TAF2: variants seen among roughly 807,000 people sequenced by gnomAD.
The protein encoded by TAF2 is transcription initiation factor TFIID subunit 2.
In TAF2, 61 loss-of-function variants were observed where a neutral mutation model predicts 138.5. That is an observed-to-expected ratio of 0.44 (90% CI 0.36 to 0.54). TAF2 has a LOEUF of 0.54. Ranked by LOEUF, TAF2 falls within the 20% of genes least tolerant of loss-of-function variation. TAF2 has a pLI of 0.00. For missense variants in TAF2, 1,090 were observed against 1,427.9 expected, an observed-to-expected ratio of 0.76 and a Z score of 3.81; for synonymous variants, 475 against 469.9, an observed-to-expected ratio of 1.01 and a Z score of -0.14.
rs1458576050 is a variant in TAF2, at chr8:119,831,315, A to C, written c.138+362T>G. On this transcript the variant is annotated intron_variant, in intron 2 of 25. Transcript: ENST00000378164. Reference sequence around the variant, plus strand: ...AGCAAAAATGGCCTCTTAGAAGCCAAGTCAGTGAGTGTATTAATCTTAATT... The same window carrying C: ...AGCAAAAATGGCCTCTTAGAAGCCACGTCAGTGAGTGTATTAATCTTAATT... 2.0e-5 allele frequency among the ~76,000 whole-genome samples: 3 copies of C among 152,224 alleles called. No individual in the cohort carries two copies. The East Asian group carries it at 5.8e-4, about 29-fold the overall frequency.
At chr8:119,827,813 G>A (rs1826198578) in intron 2 of TAF2, among the ~76,000 whole-genome samples, 1 of 150,746 alleles carries the variant, frequency 6.6e-6, no homozygotes, top group Non-Finnish European at 1.5e-5. Flanking sequence ...GCATGATCTC[G>A]GCTCACTGCA....
At chr8:119,826,279 AAAC>A (rs1184382213) in intron 2 of TAF2, among the ~76,000 whole-genome samples, 2 of 146,658 alleles carry the variant, frequency 1.4e-5, no homozygotes, top group African/African-American at 5.4e-5. Flanking sequence ...AAAAAACAAG[AAAC>A]AAACAAACAA....
chr8:119,803,468 A>G (rs1824403731), intron 5 of TAF2, among the ~76,000 whole-genome samples: 1 of 152,206 alleles, frequency 6.6e-6, no homozygotes, highest in African/African-American at 2.4e-5. Flanking sequence ...AGGCAGGCAG[A>G]TCACTTGAGG....
At position 119,785,283 on chromosome 8, in the gene TAF2, G is replaced by C; in HGVS notation, c.1794-17C>G. ...TTTTTATTCCTACATTTAAGAAAAA[G>C]TAGGTTGGAAAATTGTGAGATTTCT... On this transcript the variant is annotated splice_polypyrimidine_tract_variant and intron_variant, in intron 14 of 25. Transcript: ENST00000378164. The C allele has an allele frequency of 6.3e-7, 1 of 1,585,800 alleles. No individual in the cohort carries two copies. Among genetic ancestry groups the C allele is most frequent in the Non-Finnish European group, 8.7e-7 (1 of 1,155,318 alleles).
At chr8:119,782,052 G>C (rs955348158) in intron 16 of TAF2, among the ~76,000 whole-genome samples, 36 of 152,112 alleles carry the variant, frequency 2.4e-4, no homozygotes, top group African/African-American at 7.2e-4. Flanking sequence ...GCAGTATTAA[G>C]TTTTAGAAAA....
chr8:119,795,259 C>T (rs1217972598), intron 9 of TAF2, among the ~76,000 whole-genome samples: 2 of 152,008 alleles, frequency 1.3e-5, no homozygotes, highest in Admixed American at 6.6e-5. Flanking sequence ...CAGTTACAAA[C>T]GACTACTATA....
intron 25 of TAF2, among the ~76,000 whole-genome samples, chr8:119,737,655 C>T (rs565136104): frequency 1.1e-3 from 169 of 151,826 alleles, no homozygotes; most frequent in Non-Finnish European, 2.1e-3. Context: ...ATTACAGGTG[C>T]GTACCACCAT....
chr8:119,746,169 T>C (rs541639721), intron 23 of TAF2, among the ~76,000 whole-genome samples: 1 of 151,972 alleles, frequency 6.6e-6, no homozygotes, highest in African/African-American at 2.4e-5. Flanking sequence ...GTCAGGTGTT[T>C]GAGACCAGCC....
In TAF2 at chr8:119,821,188, C is replaced by T. The variant is rs188114626; in HGVS notation, c.139-1682G>A. Among the ~76,000 whole-genome samples the T allele has an allele frequency of 5.8e-4, 88 of 152,302 alleles. 1 individual carries two copies. The Middle Eastern group carries it at 0.024, about 41-fold the overall frequency. On this transcript the variant is annotated intron_variant, in intron 2 of 25. Transcript: ENST00000378164. ...CTCTGCCACCACCTAGGGCTCTAAC[C>T]TACAGCTGCCTGAAACATTCGGACC...
intron 3 of TAF2, among the ~76,000 whole-genome samples, chr8:119,818,392 G>A (rs1182346337): frequency 6.6e-6 from 1 of 152,096 alleles, no homozygotes; most frequent in Non-Finnish European, 1.5e-5. Context: ...AAAAGTTTAT[G>A]ATAAAGTTTT....
rs769524416 is a variant in TAF2, at chr8:119,789,570, G to A, written c.1568+22C>T. ...ACCTTATTCCCTTCCCCACTCTGTT[G>A]AACTGCTATTGAAAAGGATACACCC... is the stretch of plus-strand genomic sequence containing the variant. On this transcript the variant is annotated intron_variant, in intron 12 of 25. Coordinates refer to ENST00000378164, the MANE Select transcript of TAF2 (RefSeq NM_003184.4). 2.5e-6 allele frequency: 4 copies of A among 1,611,986 alleles called. No homozygotes were observed. The East Asian group carries it at 6.7e-5, about 27-fold the overall frequency.
At chr8:119,812,302 G>A (rs1316071050) in intron 3 of TAF2, among the ~76,000 whole-genome samples, 1 of 151,896 alleles carries the variant, frequency 6.6e-6, no homozygotes, top group Non-Finnish European at 1.5e-5. Context: ...TCAAGACAGG[G>A]AGCCGAATGT....
chr8:119,818,363 TA>T (rs1417442083), intron 3 of TAF2, among the ~76,000 whole-genome samples: 1 of 152,190 alleles, frequency 6.6e-6, no homozygotes, highest in African/African-American at 2.4e-5. Context: ...CTAGACTAGT[TA>T]AAACATCATC....
chr8:119,782,111 T>C (rs1024719596), intron 16 of TAF2, among the ~76,000 whole-genome samples: 1 of 152,224 alleles, frequency 6.6e-6, no homozygotes, highest in Non-Finnish European at 1.5e-5. Flanking sequence ...TTTATTCGTT[T>C]AGACAGATAT....
intron 3 of TAF2, among the ~76,000 whole-genome samples, chr8:119,814,737 C>CA (rs397795248): frequency 0.24 from 20,697 of 86,616 alleles, 2,300 homozygotes; most frequent in African/African-American, 0.36. Context: ...ACCAAAAATA[C>CA]AAAAAAAAAA....
chr8:119,765,733 A>G (rs994813802), intron 18 of TAF2, among the ~76,000 whole-genome samples: 1 of 152,216 alleles, frequency 6.6e-6, no homozygotes, highest in Non-Finnish European at 1.5e-5. Flanking sequence ...ATATTTTAAG[A>G]GGAAAGGTAT....
intron 18 of TAF2, among the ~76,000 whole-genome samples, chr8:119,770,941 T>C (rs1039846486): frequency 6.6e-6 from 1 of 151,988 alleles, no homozygotes. Context: ...CCTGGTGGCA[T>C]GCACCTGTAG....
intron 1 of TAF2, among the ~76,000 whole-genome samples, chr8:119,831,950 A>G (rs1045533211): frequency 5.3e-5 from 8 of 152,014 alleles, no homozygotes; most frequent in Admixed American, 2.0e-4. Context: ...CACGAGGTCA[A>G]GAGTTCGAGA....
intron 20 of TAF2, among the ~76,000 whole-genome samples, chr8:119,758,401 T>C (rs1382879170): frequency 6.6e-6 from 1 of 152,088 alleles, no homozygotes; most frequent in East Asian, 1.9e-4. Context: ...TTCAAACCAA[T>C]GGCAAGCATA....
Sources: gnomAD v4.1 joint callset for allele counts (sites outside exome capture counted in the v4.1 genomes callset) on GRCh38, gnomAD v4.1.1 for gene constraint, MANE v1.5 for transcripts, NCBI Gene and HGNC (gene_info 2026-07-23, HGNC 2026-07-21) for gene names.